Variants in SLC35B1 observed in about 807,000 individuals in gnomAD.
The protein encoded by SLC35B1 is ATP/ADP exchanger ER.
In SLC35B1, 27 loss-of-function variants were observed where a neutral mutation model predicts 36.6. That is an observed-to-expected ratio of 0.74 (90% CI 0.54 to 1.02). The LOEUF (loss-of-function observed/expected upper bound fraction) is 1.02. SLC35B1 is among the 50% of genes least tolerant of loss of function. The pLI is 0.00. For synonymous variants in SLC35B1, 162 were observed against 152.5 expected (o/e 1.06, Z -0.46); for missense variants, 321 against 383.2 (o/e 0.84, Z 1.35).
Position 49,701,244 on chromosome 17 carries a change from A to G in SLC35B1, c.*214T>C. ...CTCTTCCCTCCCTCTTTTATTTACC[A>G]TAGACTGCTCCAGGGCATGAAGAAC... On this transcript the variant is annotated 3_prime_UTR_variant, in exon 9 of 9. Coordinates refer to ENST00000240333, the MANE Select transcript of SLC35B1 (RefSeq NM_005827.4). 5.7e-6 allele frequency: 3 copies of G among 527,972 alleles called. No individual in the cohort carries two copies. The highest frequency in any genetic ancestry group is 1.0e-5 in the Non-Finnish European group (3 of 293,446). 32.7% of individuals were successfully genotyped at this position (527,972 alleles called of 1,614,324 possible). A position where few individuals can be genotyped will look rare whatever the true frequency, so the allele number is the denominator to read the frequency against.
At chr17:49,705,343 C>G in intron 4 of SLC35B1, 62 bp from the exon 5 acceptor site, 1 of 1,501,404 alleles carries the variant, frequency 6.7e-7, no homozygotes, top group Non-Finnish European at 9.1e-7. Context: ...ACCCCAATGC[C>G]CTCCCTCCCA....
intron 1 of SLC35B1, chr17:49,707,300 G>A: frequency 6.9e-7 from 1 of 1,452,192 alleles, no homozygotes; most frequent in Non-Finnish European, 9.1e-7. Flanking sequence ...ACCCGAAAAA[G>A]ACGGAGAGGA....
intron 5 of SLC35B1, 75 bp from the exon 6 acceptor site, chr17:49,704,301 ACT>A: frequency 1.3e-6 from 2 of 1,557,218 alleles, no homozygotes; most frequent in Non-Finnish European, 8.8e-7. Flanking sequence ...CAGGATTCTC[ACT>A]CTCAGGCTCC....
chr17:49,705,352 C>A, intron 4 of SLC35B1, 71 bp from the exon 5 acceptor site: 1 of 1,446,052 alleles, frequency 6.9e-7, no homozygotes, highest in Non-Finnish European at 9.4e-7. Context: ...CCCTCCCTCC[C>A]AGGAACCAAG....
Position 49,706,221 on chromosome 17 carries a change from C to T in SLC35B1, c.322G>A (p.Val108Ile), listed in dbSNP as rs748233244. The change falls in exon 3 of 9, where the codon GTC becomes ATC. Residue 108 changes from valine (V) to isoleucine (I), a missense_variant. Transcript: ENST00000240333. ...GGTTTCACCTGAGTTGGGTAGTTGA[C>T]AAACTGTAGTGCTGAATTGCTGGAG... is the stretch of plus-strand genomic sequence containing the variant. The part of the protein sequence containing the change: ...MVSSNSALQF[V>I]NYPTQVLGKS... The T allele has an allele frequency of 6.3e-7, 1 of 1,599,226 alleles. No individual in the cohort carries two copies. The highest frequency in any genetic ancestry group is 2.2e-5 in the East Asian group (1 of 44,588).
intron 4 of SLC35B1, 172 bp downstream of exon 4, chr17:49,705,694 C>T (rs1247579101): frequency 8.4e-6 from 6 of 712,242 alleles, no homozygotes; most frequent in Admixed American, 2.2e-5. Flanking sequence ...AGCCTATGAA[C>T]ATCACAAGAA....
At chr17:49,705,997 C>T (rs1469627886) in intron 3 of SLC35B1, 101 bp from the exon 4 acceptor site, 3 of 1,341,714 alleles carry the variant, frequency 2.2e-6, no homozygotes, top group Non-Finnish European at 3.2e-6. Flanking sequence ...GGGCCTGCAC[C>T]AGAGACCTCA....
chr17:49,705,927 G>A, intron 3 of SLC35B1, 31 bp from the exon 4 acceptor site: 1 of 1,611,700 alleles, frequency 6.2e-7, no homozygotes, highest in Non-Finnish European at 8.5e-7. Flanking sequence ...TAATTTCTGA[G>A]CATCTGTGAT....
chr17:49,703,509 T>C, intron 6 of SLC35B1: 1 of 487,676 alleles, frequency 2.1e-6, no homozygotes, highest in Non-Finnish European at 3.8e-6. Flanking sequence ...TAAAGAGAAT[T>C]TTGTGAGAAA....
At chr17:49,705,925 G>A in intron 3 of SLC35B1, 29 bp from the exon 4 acceptor site, 3 of 1,611,814 alleles carry the variant, frequency 1.9e-6, no homozygotes, top group Non-Finnish European at 2.5e-6. Context: ...AATAATTTCT[G>A]AGCATCTGTG....
chr17:49,703,229 A>G lies in SLC35B1; in HGVS notation c.721T>C (p.Tyr241His), dbSNP rs1175277997. 32 of 1,613,982 alleles carry G rather than the reference A, an allele frequency of 2.0e-5. No individual in the cohort carries two copies. The highest frequency in any genetic ancestry group is 2.7e-5 in the Non-Finnish European group (32 of 1,179,994). The change falls in exon 7 of 9, where the codon TAT becomes CAT. Residue 241 changes from tyrosine to histidine, a missense_variant. Physicochemically the swap from Tyr to His is moderately conservative, Grantham distance 83. Coordinates refer to ENST00000240333, the MANE Select transcript of SLC35B1 (RefSeq NM_005827.4). ...SFAERYPAII[Y>H]NILLFGLTSA... ...GTCAGCCCAAAGAGCAGGATGTTAT[A>G]GATGATGGCAGGGTACCTTTCAGCA... is the stretch of plus-strand genomic sequence containing the variant.
At chr17:49,706,486 G>T in intron 2 of SLC35B1, 152 bp from the exon 3 acceptor site, 2 of 714,460 alleles carry the variant, frequency 2.8e-6, no homozygotes, top group Non-Finnish European at 4.2e-6. Flanking sequence ...AGCTATTTCT[G>T]TCCTGTTACA....
Position 49,701,227 on chromosome 17 carries a change from T to G in SLC35B1, c.*231A>C. 1 of 460,728 alleles carries G rather than the reference T, an allele frequency of 2.2e-6. No individual in the cohort carries two copies. Among genetic ancestry groups the G allele is most frequent in the South Asian group, 3.0e-5 (1 of 32,914 alleles). 28.5% of individuals were successfully genotyped at this position (460,728 alleles called of 1,614,324 possible). ...TGAACATCCAGCTCTGCCTCTTCCC[T>G]CCCTCTTTTATTTACCATAGACTGC... On this transcript the variant is annotated 3_prime_UTR_variant, in exon 9 of 9. Transcript: ENST00000240333.
intron 8 of SLC35B1, chr17:49,702,118 T>C: frequency 5.9e-6 from 1 of 169,066 alleles, no homozygotes; most frequent in Non-Finnish European, 1.3e-5. Flanking sequence ...AAAGCTTCCT[T>C]TTCTCCTTTT....
chr17:49,707,872 C>G lies in SLC35B1; in HGVS notation c.-39G>C, dbSNP rs1339428432. On this transcript the variant is annotated 5_prime_UTR_variant, in exon 1 of 9. Transcript: ENST00000240333. The stretch of plus-strand genomic sequence containing the variant: ...GAGCCGACTGGAGACCCGCTCACAA[C>G]CGGCACCGGCAGCAGCGGCGGCGGA... The G allele has an allele frequency of 1.2e-6, 2 of 1,608,364 alleles. No individual in the cohort carries two copies. Among genetic ancestry groups the G allele is most frequent in the African/African-American group, 2.7e-5 (2 of 74,864 alleles).
intron 5 of SLC35B1, among the ~76,000 whole-genome samples, chr17:49,704,455 G>A (rs951667875): frequency 2.2e-5 from 3 of 138,666 alleles, no homozygotes; most frequent in Non-Finnish European, 3.0e-5. Flanking sequence ...ACTGAGCTAC[G>A]TAGTGATTTT....
chr17:49,705,710 AC>A, intron 4 of SLC35B1, 155 bp downstream of exon 4: 1 of 749,654 alleles, frequency 1.3e-6, no homozygotes, highest in Non-Finnish European at 2.4e-6. Context: ...AAGAAGTGAC[AC>A]AGATGACAGG....
intron 3 of SLC35B1, 30 bp from the exon 4 acceptor site, chr17:49,705,926 A>G: frequency 6.2e-7 from 1 of 1,611,916 alleles, no homozygotes; most frequent in Admixed American, 1.7e-5. Flanking sequence ...ATAATTTCTG[A>G]GCATCTGTGA....
chr17:49,704,419 G>A lies in SLC35B1; in HGVS notation c.529-193C>T, dbSNP rs571576968. 4.4e-4 allele frequency among the ~76,000 whole-genome samples: 15 copies of A among 34,190 alleles called. No individual in the cohort carries two copies. In the South Asian group the frequency reaches 9.5e-3, roughly 22 times the overall value. 22.4% of individuals were successfully genotyped at this position (34,190 alleles called of 152,430 possible). A position where few individuals can be genotyped will look rare whatever the true frequency, so the allele number is the denominator to read the frequency against. On this transcript the variant is annotated intron_variant, in intron 5 of 8. Transcript: ENST00000240333. ...TCACTACCCCCCACCCCCGCCCCCCGGCCCACGCACTGGACTGACAGGCTA... is the reference window on the plus strand; with the variant it reads ...TCACTACCCCCCACCCCCGCCCCCCAGCCCACGCACTGGACTGACAGGCTA...
Sources: allele counts gnomAD v4.1 joint callset (sites outside exome capture counted in the v4.1 genomes callset), GRCh38; gene constraint gnomAD v4.1.1; transcripts MANE v1.5; gene names NCBI Gene and HGNC (gene_info 2026-07-23, HGNC 2026-07-21).